The following FTO variants were observed in gnomAD, a reference collection of about 807,000 sequenced individuals.
FTO encodes the protein FTO alpha-ketoglutarate dependent dioxygenase, also known as alpha-ketoglutarate-dependent dioxygenase FTO.
A neutral mutation model predicts 63.9 loss-of-function variants in FTO; 47 were observed. That is an observed-to-expected ratio of 0.74 (90% CI 0.58 to 0.94). FTO has a LOEUF of 0.94. Among genes scored for constraint, FTO ranks in the 40% least tolerant of loss-of-function variants. FTO has a pLI of 0.00. For synonymous variants in FTO, 207 were observed against 224.4 expected (o/e 0.92, Z 0.69); for missense variants, 562 against 618.1 (o/e 0.91, Z 0.96).
At chr16:53,736,095 A>T (rs1005600819) in intron 1 of FTO, among the ~76,000 whole-genome samples, 1 of 152,210 alleles carries the variant, frequency 6.6e-6, no homozygotes, top group Non-Finnish European at 1.5e-5. Flanking sequence ...CATTTTATGG[A>T]TGGAGAGGTT....
In FTO at chr16:53,840,250, C is replaced by A. The variant is rs115726043; in HGVS notation, c.752-3905C>A. On this transcript the variant is annotated intron_variant, in intron 3 of 8. Coordinates refer to ENST00000471389, the MANE Select transcript of FTO (RefSeq NM_001080432.3). The stretch of plus-strand genomic sequence containing the variant: ...TCTATCTGTAATCATTAGTGCCCCC[C>A]TAGAATGAAGCAGCCAAGTCTTGGG... 4.4e-3 allele frequency among the ~76,000 whole-genome samples: 671 copies of A among 152,064 alleles called. 8 individuals carry two copies. Among genetic ancestry groups the A allele is most frequent in the African/African-American group, 0.015 (615 of 41,476 alleles).
chr16:53,886,800 A>T (rs1010921643), intron 6 of FTO: 1 of 152,198 alleles, frequency 6.6e-6, no homozygotes, highest in South Asian at 2.1e-4. Context: ...GCCTCATGAA[A>T]GTTCAATATG....
intron 1 of FTO, among the ~76,000 whole-genome samples, chr16:53,706,790 T>C (rs2075634879): frequency 6.6e-6 from 1 of 152,254 alleles, no homozygotes; most frequent in African/African-American, 2.4e-5. Flanking sequence ...TGTATGGAGA[T>C]ACCACATGTT....
At chr16:53,984,210 A>C (rs1410008866) in intron 8 of FTO, among the ~76,000 whole-genome samples, 1 of 151,954 alleles carries the variant, frequency 6.6e-6, no homozygotes, top group African/African-American at 2.4e-5. Flanking sequence ...AAGGGAGTCA[A>C]GTTGCAGAAA....
chr16:53,776,316 G>A (rs2077458292), intron 1 of FTO, among the ~76,000 whole-genome samples: 1 of 152,162 alleles, frequency 6.6e-6, no homozygotes, highest in Non-Finnish European at 1.5e-5. Context: ...GAGGAAGAAG[G>A]ATTCTGAGTA....
chr16:53,915,330 G>T (rs555468792), intron 7 of FTO, among the ~76,000 whole-genome samples: 11 of 152,244 alleles, frequency 7.2e-5, no homozygotes, highest in African/African-American at 2.6e-4. Flanking sequence ...AATCACAAAT[G>T]CTATGCAGCT....
At chr16:53,824,457 A>G (rs1260812307) in intron 2 of FTO, among the ~76,000 whole-genome samples, 1 of 152,194 alleles carries the variant, frequency 6.6e-6, no homozygotes, top group Non-Finnish European at 1.5e-5. Context: ...TTCCTGTTCT[A>G]ATAAGATTTC....
intron 8 of FTO, chr16:54,040,818 T>C (rs2085058275): frequency 6.6e-6 from 1 of 152,214 alleles, no homozygotes; most frequent in African/African-American, 2.4e-5. Flanking sequence ...TTGATTTTTA[T>C]TCCAAGCACA....
At chr16:54,015,179 A>T (rs2084411702) in intron 8 of FTO, among the ~76,000 whole-genome samples, 1 of 152,074 alleles carries the variant, frequency 6.6e-6, no homozygotes, top group Non-Finnish European at 1.5e-5. Context: ...GTTTTAATGG[A>T]GAGAGATGTC....
intron 8 of FTO, among the ~76,000 whole-genome samples, chr16:54,074,503 T>G (rs1234613565): frequency 1.6e-4 from 25 of 152,308 alleles, no homozygotes; most frequent in African/African-American, 6.0e-4. Context: ...CTTTTGCCTC[T>G]TTTCACTTAC....
intron 1 of FTO, among the ~76,000 whole-genome samples, chr16:53,773,911 G>A (rs1042536988): frequency 1.3e-5 from 2 of 152,128 alleles, no homozygotes; most frequent in African/African-American, 4.8e-5. Flanking sequence ...TTGGAAGCGT[G>A]TCATAGGAAC....
chr16:53,760,829 G>A (rs1447430815), intron 1 of FTO, among the ~76,000 whole-genome samples: 1 of 151,286 alleles, frequency 6.6e-6, no homozygotes, highest in African/African-American at 2.4e-5. Context: ...GTTTCACCAT[G>A]TTGGCCAGGC....
chr16:53,931,416 C>T (rs995000009), intron 7 of FTO, among the ~76,000 whole-genome samples: 10 of 151,134 alleles, frequency 6.6e-5, no homozygotes, highest in African/African-American at 2.2e-4. Flanking sequence ...AAGCAATTCT[C>T]CTGCCTCAGC....
intron 7 of FTO, among the ~76,000 whole-genome samples, chr16:53,921,942 G>T (rs2082016407): frequency 6.6e-6 from 1 of 152,158 alleles, no homozygotes; most frequent in Admixed American, 6.5e-5. Context: ...CAGCGAGCTA[G>T]AGATTTAAAG....
chr16:53,810,315 TG>T, intron 2 of FTO, 98 bp downstream of exon 2: 1 of 820,834 alleles, frequency 1.2e-6, no homozygotes. Flanking sequence ...AAATGACAGG[TG>T]AAAAGGTCAA....
At chr16:53,967,878 C>CT (rs774517990) in intron 8 of FTO, among the ~76,000 whole-genome samples, 121 of 152,240 alleles carry the variant, frequency 7.9e-4, no homozygotes, top group Non-Finnish European at 1.3e-3. Context: ...GTGTGTACAT[C>CT]TTTTTTTATT....
At chr16:54,057,266 A>G (rs1171651819) in intron 8 of FTO, among the ~76,000 whole-genome samples, 1 of 152,102 alleles carries the variant, frequency 6.6e-6, no homozygotes, top group Non-Finnish European at 1.5e-5. Context: ...TGCTACATTG[A>G]CTCCTTATGG....
At chr16:53,924,610 G>A (rs1016586178) in intron 7 of FTO, among the ~76,000 whole-genome samples, 4 of 152,004 alleles carry the variant, frequency 2.6e-5, no homozygotes, top group Admixed American at 6.6e-5. Context: ...TATGAAGGGC[G>A]GGGGAGGGGA....
At chr16:53,808,800 G>A (rs111357538) in intron 1 of FTO, among the ~76,000 whole-genome samples, 6,045 of 152,278 alleles carry the variant, frequency 0.04, 131 homozygotes, top group African/African-American at 0.045. Context: ...AAAGTGTACC[G>A]TTATCTAATT....
Sources: allele counts gnomAD v4.1 joint callset (sites outside exome capture counted in the v4.1 genomes callset), GRCh38; gene constraint gnomAD v4.1.1; transcripts MANE v1.5; gene names NCBI Gene and HGNC (gene_info 2026-07-23, HGNC 2026-07-21).